The following GNB4 variants were observed in gnomAD, a reference collection of about 807,000 sequenced individuals.
GNB4 encodes guanine nucleotide-binding protein subunit beta-4.
In GNB4, 28 loss-of-function variants were observed where a neutral mutation model predicts 45.2. The observed-to-expected ratio is 0.62, with a 90% CI of 0.46 to 0.85. The LOEUF (loss-of-function observed/expected upper bound fraction) is 0.85. Among genes scored for constraint, GNB4 ranks in the 40% least tolerant of loss-of-function variants. The pLI is 0.00. For missense variants in GNB4, 321 were observed against 425.4 expected, an observed-to-expected ratio of 0.75 and a Z score of 2.16; for synonymous variants, 132 against 143.7, an observed-to-expected ratio of 0.92 and a Z score of 0.58.
chr3:179,423,786 T>A (rs1024509968), intron 2 of GNB4, among the ~76,000 whole-genome samples: 26 of 145,276 alleles, frequency 1.8e-4, no homozygotes, highest in East Asian at 8.0e-4. Flanking sequence ...CACTCTGATT[T>A]AAAAAAAAAA....
At chr3:179,406,287 C>A (rs1332986533) in intron 8 of GNB4, among the ~76,000 whole-genome samples, 2 of 152,052 alleles carry the variant, frequency 1.3e-5, no homozygotes, top group Admixed American at 6.6e-5. Context: ...TATTCTGTAT[C>A]TTTTAATAGC....
intron 2 of GNB4, among the ~76,000 whole-genome samples, chr3:179,425,760 T>C (rs1481364582): frequency 1.3e-5 from 2 of 152,190 alleles, no homozygotes; most frequent in East Asian, 1.9e-4. Context: ...CATGAGCCAC[T>C]GTGCCCACCC....
At position 179,399,189 on chromosome 3, in the gene GNB4, A is replaced by G. The variant is rs1389458255; in HGVS notation, c.*2024T>C. 6.6e-6 allele frequency: 1 copy of G among 152,084 alleles called. No homozygotes were observed. The highest frequency in any genetic ancestry group is 1.9e-4 in the East Asian group (1 of 5,204). The allele number at this position is 152,084 out of a possible 1,614,324, so 9.4% of individuals were successfully genotyped here. ...AGCCTACAAATAAACATTAATAGCAAAAGTTCATATAATTTTTTTTTTTTC... is the reference window on the plus strand; with the variant it reads ...AGCCTACAAATAAACATTAATAGCAGAAGTTCATATAATTTTTTTTTTTTC... On this transcript the variant is annotated 3_prime_UTR_variant, in exon 10 of 10. Transcript: ENST00000232564.
the GNB4 span, among the ~76,000 whole-genome samples, chr3:179,511,421 A>G: frequency 1.3e-5 from 2 of 152,246 alleles, no homozygotes; most frequent in Admixed American, 1.3e-4. Context: ...ACCTTAGATG[A>G]AATCTGGTTG....
intron 2 of GNB4, 54 bp downstream of exon 2, chr3:179,426,090 T>G: frequency 7.2e-7 from 1 of 1,395,042 alleles, no homozygotes; most frequent in Non-Finnish European, 1.0e-6. Context: ...AGGCAAATTT[T>G]GTAGATTCCT....
rs1280077909 is a variant in GNB4, at chr3:179,399,658, G to C, written c.*1555C>G. Reference sequence around the variant, plus strand: ...ATAAAACTGATACATCTTTACAGTTGATGCACATATTAGCACATTCACAAC... The same window carrying C: ...ATAAAACTGATACATCTTTACAGTTCATGCACATATTAGCACATTCACAAC... On this transcript the variant is annotated 3_prime_UTR_variant, in exon 10 of 10. Coordinates refer to ENST00000232564, the MANE Select transcript of GNB4 (RefSeq NM_021629.4). 6.6e-6 allele frequency: 1 copy of C among 152,088 alleles called. No homozygotes were observed. The highest frequency in any genetic ancestry group is 1.9e-4 in the East Asian group (1 of 5,208). The allele number at this position is 152,088 out of a possible 1,614,324, so 9.4% of individuals were successfully genotyped here. A position where few individuals can be genotyped will look rare whatever the true frequency, so the allele number is the denominator to read the frequency against.
chr3:179,456,823 T>C, the GNB4 span, among the ~76,000 whole-genome samples: 2 of 4,436 alleles, frequency 4.5e-4, no homozygotes, highest in Non-Finnish European at 6.0e-4. Context: ...CCATACAGTA[T>C]GTACCTTTCG....
the GNB4 span, among the ~76,000 whole-genome samples, chr3:179,519,163 T>C: frequency 2.0e-5 from 3 of 152,134 alleles, no homozygotes; most frequent in East Asian, 1.9e-4. Flanking sequence ...GGCCACTGGG[T>C]CAAGGAATGC....
chr3:179,453,097 A>T (rs992826592), upstream of GNB4, among the ~76,000 whole-genome samples: 11 of 152,184 alleles, frequency 7.2e-5, no homozygotes, highest in African/African-American at 2.4e-4. Flanking sequence ...GCCCTGCATG[A>T]CATCAGATTG....
At chr3:179,458,511 T>C in the GNB4 span, among the ~76,000 whole-genome samples, 2 of 152,246 alleles carry the variant, frequency 1.3e-5, no homozygotes, top group Non-Finnish European at 2.9e-5. Context: ...TTATTAACTA[T>C]TAGGGCTAAA....
intron 1 of GNB4, among the ~76,000 whole-genome samples, chr3:179,427,675 T>C (rs1170176592): frequency 1.3e-5 from 2 of 151,942 alleles, no homozygotes. Context: ...TATTCTTTGT[T>C]GTATCCCCAT....
intron 3 of GNB4, among the ~76,000 whole-genome samples, chr3:179,419,926 TATTA>T (rs1263762663): frequency 2.6e-5 from 4 of 151,990 alleles, no homozygotes; most frequent in Admixed American, 2.0e-4. Flanking sequence ...TAATGATCAA[TATTA>T]ATTAAACATG....
At chr3:179,493,910 C>T in the GNB4 span, among the ~76,000 whole-genome samples, 8 of 152,308 alleles carry the variant, frequency 5.3e-5, no homozygotes, top group African/African-American at 1.9e-4. Flanking sequence ...ATTTTGATCT[C>T]TCTTTCTTTT....
chr3:179,449,396 A>G (rs894297217), intron 1 of GNB4, among the ~76,000 whole-genome samples: 1 of 152,216 alleles, frequency 6.6e-6, no homozygotes, highest in African/African-American at 2.4e-5. Context: ...GACAATAATG[A>G]TCATGCTGGA....
chr3:179,522,259 T>G, the GNB4 span, among the ~76,000 whole-genome samples: 1 of 151,596 alleles, frequency 6.6e-6, no homozygotes, highest in African/African-American at 2.4e-5. Flanking sequence ...GCTCAAAAGC[T>G]CCCCCACTGA....
chr3:179,483,315 A>G, the GNB4 span, among the ~76,000 whole-genome samples: 1 of 152,156 alleles, frequency 6.6e-6, no homozygotes, highest in South Asian at 2.1e-4. Flanking sequence ...ATTATTTAAA[A>G]ATCATAGTGA....
At chr3:179,423,801 G>C (rs972225020) in intron 2 of GNB4, among the ~76,000 whole-genome samples, 1 of 142,048 alleles carries the variant, frequency 7.0e-6, no homozygotes. Context: ...AAAAAAAAAA[G>C]ATAAATCCAA....
chr3:179,480,151 A>G, the GNB4 span, among the ~76,000 whole-genome samples: 1 of 152,248 alleles, frequency 6.6e-6, no homozygotes, highest in Non-Finnish European at 1.5e-5. Flanking sequence ...CAACACAGCA[A>G]GAAAGGCCTC....
the GNB4 span, among the ~76,000 whole-genome samples, chr3:179,462,185 T>A: frequency 6.6e-6 from 1 of 152,032 alleles, no homozygotes; most frequent in Admixed American, 6.6e-5. Flanking sequence ...TGTGTGTGTG[T>A]GTGTGTGTGC....
Sources: gnomAD v4.1 joint callset for allele counts (sites outside exome capture counted in the v4.1 genomes callset) on GRCh38, gnomAD v4.1.1 for gene constraint, MANE v1.5 for transcripts, NCBI Gene and HGNC (gene_info 2026-07-23, HGNC 2026-07-21) for gene names.